SOX5: variants seen among roughly 807,000 people sequenced by gnomAD.
SOX5 encodes the protein SRY-box transcription factor 5, also known as transcription factor SOX-5.
In SOX5, 9 loss-of-function variants were observed where a neutral mutation model predicts 92.0. The observed-to-expected ratio is 0.10, with a 90% CI of 0.06 to 0.17. The LOEUF (loss-of-function observed/expected upper bound fraction) is 0.17. Ranked by LOEUF, SOX5 falls within the 10% of genes least tolerant of loss-of-function variation. SOX5 has a pLI of 1.00. For synonymous variants in SOX5, 344 were observed against 336.3 expected (o/e 1.02, Z -0.25); for missense variants, 642 against 944.5 (o/e 0.68, Z 4.20).
chr12:23,721,375 G>A (rs544582509), intron 6 of SOX5, among the ~76,000 whole-genome samples: 7 of 152,130 alleles, frequency 4.6e-5, no homozygotes, highest in South Asian at 2.1e-4. Flanking sequence ...ATGAGCCACC[G>A]TGCCTGGCCT....
At chr12:24,365,851 T>G (rs750708570) in intron 2 of SOX5, among the ~76,000 whole-genome samples, 1 of 151,998 alleles carries the variant, frequency 6.6e-6, no homozygotes, top group Non-Finnish European at 1.5e-5. Context: ...CTAGTTTTTT[T>G]AATACAAATA....
chr12:24,453,713 A>G (rs1318636114), intron 1 of SOX5, among the ~76,000 whole-genome samples: 2 of 152,190 alleles, frequency 1.3e-5, no homozygotes, highest in African/African-American at 4.8e-5. Context: ...AAGAGAGCCA[A>G]TTTCTGGTAA....
At chr12:24,184,812 G>A (rs1006412875) in intron 4 of SOX5, among the ~76,000 whole-genome samples, 1 of 151,936 alleles carries the variant, frequency 6.6e-6, no homozygotes, top group African/African-American at 2.4e-5. Context: ...AAATTAAATA[G>A]AATTATAGGA....
At position 23,536,620 on chromosome 12, in the gene SOX5, C is replaced by T. The variant is rs749499516; in HGVS notation, c.1821G>A (p.Glu607=). 5.0e-6 allele frequency: 8 copies of T among 1,614,148 alleles called. No homozygotes were observed. The East Asian group carries it at 1.8e-4, about 36-fold the overall frequency. The change falls in exon 14 of 15, where the codon GAG becomes GAA. Residue 607 remains glutamate, a synonymous_variant. Transcript: ENST00000451604. ...GCTGCTTGCTGAGACGGGCTTGCTCCTCATAATATGGCTGTTTCTCTAGGT... is the reference window on the plus strand; with the variant it reads ...GCTGCTTGCTGAGACGGGCTTGCTCTTCATAATATGGCTGTTTCTCTAGGT... The part of the protein sequence containing the change: ...MTNLEKQPYY[E]EQARLSKQHL...
intron 2 of SOX5, among the ~76,000 whole-genome samples, chr12:23,849,757 T>C (rs2096611019): frequency 6.6e-6 from 1 of 152,184 alleles, no homozygotes; most frequent in Non-Finnish European, 1.5e-5. Flanking sequence ...TCCAAATATC[T>C]ACTGGTTCAT....
intron 1 of SOX5, among the ~76,000 whole-genome samples, chr12:24,386,082 T>C (rs1187613070): frequency 1.3e-5 from 2 of 152,124 alleles, no homozygotes; most frequent in Non-Finnish European, 1.5e-5. Flanking sequence ...AAACAAAGTA[T>C]GGTATATCCT....
At chr12:24,540,322 T>C (rs1272928644) in intron 1 of SOX5, among the ~76,000 whole-genome samples, 1 of 139,718 alleles carries the variant, frequency 7.2e-6, no homozygotes, top group African/African-American at 2.9e-5. Flanking sequence ...GTAATGTGAC[T>C]TTTTTAAACA....
intron 1 of SOX5, among the ~76,000 whole-genome samples, chr12:24,392,577 T>C (rs1273656377): frequency 1.3e-5 from 2 of 152,106 alleles, no homozygotes; most frequent in African/African-American, 4.8e-5. Flanking sequence ...ACTGGTCTCA[T>C]TGTCTAAATC....
chr12:24,157,919 T>A (rs1204979241), intron 4 of SOX5, among the ~76,000 whole-genome samples: 1 of 152,080 alleles, frequency 6.6e-6, no homozygotes, highest in Non-Finnish European at 1.5e-5. Context: ...ACAATAGCCA[T>A]GAATGTTCCA....
intron 3 of SOX5, among the ~76,000 whole-genome samples, chr12:24,268,051 T>C (rs969108895): frequency 8.5e-5 from 13 of 152,294 alleles, no homozygotes; most frequent in Non-Finnish European, 1.6e-4. Context: ...CAATACCTAG[T>C]TCCAAGATCA....
At chr12:24,154,543 G>A (rs557727464) in intron 4 of SOX5, among the ~76,000 whole-genome samples, 11 of 152,010 alleles carry the variant, frequency 7.2e-5, no homozygotes, top group Non-Finnish European at 1.5e-4. Flanking sequence ...AACAAGTTAG[G>A]TGTCCAACAG....
chr12:24,443,251 C>A (rs1323709348), intron 1 of SOX5, among the ~76,000 whole-genome samples: 1 of 152,124 alleles, frequency 6.6e-6, no homozygotes, highest in Non-Finnish European at 1.5e-5. Context: ...CCACGCCCGG[C>A]CAGTTTATGG....
intron 2 of SOX5, among the ~76,000 whole-genome samples, chr12:24,297,430 G>A (rs528790790): frequency 3.8e-4 from 58 of 152,202 alleles, no homozygotes; most frequent in African/African-American, 1.2e-3. Context: ...GCCCAATACC[G>A]CAGCGTGGGT....
intron 4 of SOX5, among the ~76,000 whole-genome samples, chr12:24,081,470 T>C (rs541822572): frequency 6.6e-6 from 1 of 152,106 alleles, no homozygotes; most frequent in South Asian, 2.1e-4. Context: ...TAGCTGTAAA[T>C]GGAGCTACTG....
At chr12:23,987,740 C>T (rs1479522240) in intron 4 of SOX5, among the ~76,000 whole-genome samples, 1 of 152,192 alleles carries the variant, frequency 6.6e-6, no homozygotes, top group Non-Finnish European at 1.5e-5. Context: ...TTGCAGCGAG[C>T]TGCGATCAGG....
At chr12:23,642,657 A>C (rs1169644124) in intron 7 of SOX5, among the ~76,000 whole-genome samples, 1 of 152,208 alleles carries the variant, frequency 6.6e-6, no homozygotes, top group African/African-American at 2.4e-5. Flanking sequence ...ATTTCTGTAA[A>C]CATTAAATGA....
intron 3 of SOX5, among the ~76,000 whole-genome samples, chr12:23,838,851 G>GGGGC (rs1568224082): frequency 9.7e-6 from 1 of 102,746 alleles, no homozygotes; most frequent in Non-Finnish European, 2.0e-5. Context: ...TTTGGGGGGG[G>GGGGC]GGGGCGGGGA....
At chr12:24,244,171 CT>C (rs1376148101) in intron 3 of SOX5, among the ~76,000 whole-genome samples, 1 of 152,056 alleles carries the variant, frequency 6.6e-6, no homozygotes, top group Non-Finnish European at 1.5e-5. Flanking sequence ...TCGTACTGAA[CT>C]TCTATAACTT....
intron 4 of SOX5, among the ~76,000 whole-genome samples, chr12:24,058,288 C>G (rs1415660557): frequency 1.3e-5 from 2 of 152,170 alleles, no homozygotes; most frequent in African/African-American, 4.8e-5. Flanking sequence ...AACCGATGTG[C>G]ACAATATTTT....
Sources: allele counts gnomAD v4.1 joint callset (sites outside exome capture counted in the v4.1 genomes callset), GRCh38; gene constraint gnomAD v4.1.1; transcripts MANE v1.5; gene names NCBI Gene and HGNC (gene_info 2026-07-23, HGNC 2026-07-21).